Variants in CAPN8 observed in about 807,000 individuals in gnomAD.
CAPN8 encodes calpain 8, also known as calpain-8.
Under a neutral mutation model 80.9 loss-of-function variants are expected in CAPN8, and 87 were observed. That is an observed-to-expected ratio of 1.07 (90% CI 0.90 to 1.28). The LOEUF (loss-of-function observed/expected upper bound fraction) is 1.28, where lower values mean the gene tolerates loss of function less well. CAPN8 is among the 50% of genes most tolerant of loss of function. CAPN8 has a pLI of 0.00. For missense variants in CAPN8, 757 were observed against 702.0 expected (o/e 1.08, Z -0.89); for synonymous variants, 299 against 273.8 (o/e 1.09, Z -0.91).
At chr1:223,554,423 T>C (rs1656861442) in intron 13 of CAPN8, among the ~76,000 whole-genome samples, 1 of 151,976 alleles carries the variant, frequency 6.6e-6, no homozygotes, top group Non-Finnish European at 1.5e-5. Context: ...AGTTCGATAG[T>C]AGCCTGGGCA....
At position 223,620,149 on chromosome 1, in the gene CAPN8, C is replaced by T. The variant is rs147641174; in HGVS notation, c.974+43G>A. On this transcript the variant is annotated intron_variant, in intron 8 of 20. Coordinates refer to ENST00000366872, the MANE Select transcript of CAPN8 (RefSeq NM_001143962.2). ...AGTTCACATCAGAACTGAAAATGGACCCATCACCAATGGGACAGCGCTTCA... is the reference window on the plus strand; with the variant it reads ...AGTTCACATCAGAACTGAAAATGGATCCATCACCAATGGGACAGCGCTTCA... The T allele has an allele frequency of 1.2e-3, 1,807 of 1,505,440 alleles. 22 individuals carry two copies. In the African/African-American group the frequency reaches 0.022, roughly 18 times the overall value. The allele number at this position is 1,505,440 out of a possible 1,614,324, so 93.3% of individuals were successfully genotyped here. A position where few individuals can be genotyped will look rare whatever the true frequency, so the allele number is the denominator to read the frequency against.
intron 9 of CAPN8, among the ~76,000 whole-genome samples, chr1:223,616,407 G>A (rs1657190186): frequency 6.6e-6 from 1 of 152,212 alleles, no homozygotes; most frequent in South Asian, 2.1e-4. Context: ...GAGCCCAGAA[G>A]TGCTTGACTG....
chr1:223,622,640 A>T, intron 7 of CAPN8, 175 bp downstream of exon 7: 12 of 600,430 alleles, frequency 2.0e-5, no homozygotes, highest in East Asian at 8.5e-5. Context: ...AGTGGTTTTT[A>T]TTTTGCTTTT....
At chr1:223,550,902 C>T in intron 15 of CAPN8, 58 bp downstream of exon 15, 1 of 708,792 alleles carries the variant, frequency 1.4e-6, no homozygotes, top group Non-Finnish European at 2.6e-6. Flanking sequence ...CTACCCATCC[C>T]TCACCCTGCC....
chr1:223,646,019 T>G (rs1312466632), intron 2 of CAPN8, among the ~76,000 whole-genome samples: 1 of 152,116 alleles, frequency 6.6e-6, no homozygotes, highest in East Asian at 1.9e-4. Flanking sequence ...GGGGGAGCAC[T>G]GTGGGGAAAA....
At chr1:223,616,555 T>C (rs562235149) in intron 9 of CAPN8, among the ~76,000 whole-genome samples, 1 of 152,164 alleles carries the variant, frequency 6.6e-6, no homozygotes, top group African/African-American at 2.4e-5. Flanking sequence ...GGAAGGGAGA[T>C]CTCTGGGTAA....
intron 9 of CAPN8, chr1:223,618,418 G>T: frequency 2.5e-6 from 3 of 1,186,694 alleles, no homozygotes; most frequent in Non-Finnish European, 3.6e-6. Flanking sequence ...CCCATGACAC[G>T]CATGCCCTGT....
intron 10 of CAPN8, among the ~76,000 whole-genome samples, chr1:223,613,111 T>C (rs773661965): frequency 1.3e-5 from 2 of 152,214 alleles, no homozygotes; most frequent in Non-Finnish European, 2.9e-5. Context: ...CCCTTTCCAT[T>C]CTTTGTCCCT....
chr1:223,657,541 T>C (rs1658530655), intron 1 of CAPN8, among the ~76,000 whole-genome samples: 1 of 152,060 alleles, frequency 6.6e-6, no homozygotes, highest in South Asian at 2.1e-4. Flanking sequence ...CCAAAGTGTG[T>C]GGATCACTTG....
At chr1:223,543,761 C>T (rs956881494) in intron 19 of CAPN8, among the ~76,000 whole-genome samples, 2 of 152,232 alleles carry the variant, frequency 1.3e-5, no homozygotes, top group African/African-American at 4.8e-5. Flanking sequence ...AGAACAGTTA[C>T]TGTGACTCAT....
chr1:223,549,462 C>T (rs1295429975), intron 15 of CAPN8, 80 bp from the exon 16 acceptor site: 1 of 1,542,924 alleles, frequency 6.5e-7, no homozygotes. Context: ...TAGAAGACCT[C>T]CAAAGATACC....
chr1:223,544,054 C>A lies in CAPN8; in HGVS notation c.2029+13G>T, dbSNP rs1300606879. On this transcript the variant is annotated intron_variant, in intron 19 of 20. Transcript: ENST00000366872. Reference sequence around the variant, plus strand: ...GGATTAATAGGATGGGGCTGGAGGACAGAGTGACTCACTGAAGAGGGTCTC... The same window carrying A: ...GGATTAATAGGATGGGGCTGGAGGAAAGAGTGACTCACTGAAGAGGGTCTC... The A allele has an allele frequency of 7.0e-6, 5 of 717,620 alleles. No homozygotes were observed. In the Admixed American group the frequency reaches 8.0e-5, roughly 11 times the overall value. 44.5% of individuals were successfully genotyped at this position (717,620 alleles called of 1,614,324 possible).
At position 223,550,994 on chromosome 1, in the gene CAPN8, T is replaced by G; in HGVS notation, c.1665A>C (p.Ala555=). The change falls in exon 15 of 21, where the codon GCA becomes GCC. Residue 555 remains alanine (A), a synonymous_variant. Coordinates refer to ENST00000366872, the MANE Select transcript of CAPN8 (RefSeq NM_001143962.2). ...AGKDSEITAN[A]LKILLNEAFS... is the part of the protein sequence containing the mutation. ...ACGCCTCATTCAAAAGTATCTTGAG[T>G]GCATTGGCAGTAATCTCAGAATCCT... 1 of 718,356 alleles carries G rather than the reference T, an allele frequency of 1.4e-6. No homozygotes were observed. The highest frequency in any genetic ancestry group is 2.6e-6 in the Non-Finnish European group (1 of 385,034). 44.5% of individuals were successfully genotyped at this position (718,356 alleles called of 1,614,324 possible). A position where few individuals can be genotyped will look rare whatever the true frequency, so the allele number is the denominator to read the frequency against.
chr1:223,660,371 A>T lies in CAPN8; in HGVS notation c.237+5039T>A, dbSNP rs78281227. 4.8e-3 allele frequency among the ~76,000 whole-genome samples: 731 copies of T among 152,194 alleles called. 4 individuals are homozygous for T. Among genetic ancestry groups the T allele is most frequent in the African/African-American group, 0.016 (685 of 41,528 alleles). Reference sequence around the variant, plus strand: ...GGAAGCCAGAAAATAAGGAGGCAAAAATCTACCTGCTAAGAACACCCCCGA... The same window carrying T: ...GGAAGCCAGAAAATAAGGAGGCAAATATCTACCTGCTAAGAACACCCCCGA... On this transcript the variant is annotated intron_variant, in intron 1 of 20. Transcript: ENST00000366872.
At chr1:223,665,313 T>C (rs151306482) in intron 1 of CAPN8, 97 bp downstream of exon 1, 3 of 937,962 alleles carry the variant, frequency 3.2e-6, no homozygotes, top group African/African-American at 3.3e-5. Flanking sequence ...TCCAGACACT[T>C]AGGGTCCACA....
chr1:223,622,809 A>G lies in CAPN8; in HGVS notation c.899+6T>C, dbSNP rs1657443381. Reference sequence around the variant, plus strand: ...ATGACTGGAGAAGCGGGGGAAAAAAACCTACTCATCGCTCCAGGCTCCCGA... The same window carrying G: ...ATGACTGGAGAAGCGGGGGAAAAAAGCCTACTCATCGCTCCAGGCTCCCGA... On this transcript the variant is annotated splice_donor_region_variant and intron_variant, in intron 7 of 20. Transcript: ENST00000366872. The G allele has an allele frequency of 3.9e-6, 6 of 1,551,024 alleles. No homozygotes were observed. The highest frequency in any genetic ancestry group is 5.2e-6 in the Non-Finnish European group (6 of 1,146,390).
chr1:223,547,480 G>A (rs1350691010), intron 16 of CAPN8, among the ~76,000 whole-genome samples: 2 of 152,176 alleles, frequency 1.3e-5, no homozygotes, highest in South Asian at 2.1e-4. Flanking sequence ...AATGGAGAGC[G>A]ACTGGTAATA....
chr1:223,611,266 T>G (rs1163630034), intron 11 of CAPN8, among the ~76,000 whole-genome samples: 1 of 152,178 alleles, frequency 6.6e-6, no homozygotes, highest in Admixed American at 6.5e-5. Flanking sequence ...GAGCACTAGC[T>G]GAAACAGGGA....
intron 1 of CAPN8, among the ~76,000 whole-genome samples, chr1:223,664,690 C>T (rs1283601942): frequency 1.3e-5 from 2 of 152,204 alleles, no homozygotes; most frequent in Non-Finnish European, 2.9e-5. Flanking sequence ...GTAATCCTAA[C>T]ACTTTGGGAG....
Sources: allele counts gnomAD v4.1 joint callset (sites outside exome capture counted in the v4.1 genomes callset), GRCh38; gene constraint gnomAD v4.1.1; transcripts MANE v1.5; gene names NCBI Gene and HGNC (gene_info 2026-07-23, HGNC 2026-07-21).